The following NRG4 variants were observed in gnomAD, a reference collection of about 807,000 sequenced individuals.
NRG4 encodes neuregulin 4.
NRG4 carries 10 observed loss-of-function variants against 15.0 expected under a neutral mutation model. The ratio of observed to expected loss-of-function variants is 0.67; its 90% CI spans 0.41 to 1.13. The LOEUF (loss-of-function observed/expected upper bound fraction) is 1.13. Ranked by LOEUF, NRG4 falls within the 50% of genes most tolerant of loss-of-function variation. The probability of loss-of-function intolerance (pLI) is 0.00; values close to 1 mark genes in which losing one functional copy is unlikely to be tolerated. For missense variants in NRG4, 139 were observed against 140.2 expected (o/e 0.99, Z 0.04); for synonymous variants, 41 against 50.1 (o/e 0.82, Z 0.77).
At chr15:76,051,754 G>A (rs1161573584) in intron 4 of NRG4, among the ~76,000 whole-genome samples, 2 of 149,390 alleles carry the variant, frequency 1.3e-5, no homozygotes, top group Non-Finnish European at 3.0e-5. Flanking sequence ...TTTATTTTTA[G>A]TAGAGACGGG....
At chr15:76,052,420 G>C (rs2036042715) in intron 3 of NRG4, among the ~76,000 whole-genome samples, 1 of 151,064 alleles carries the variant, frequency 6.6e-6, no homozygotes, top group Admixed American at 6.6e-5. Flanking sequence ...AAAAGGCTAG[G>C]AGTTGGGTTA....
At chr15:75,991,476 T>C (rs910352644) in intron 3 of NRG4, among the ~76,000 whole-genome samples, 2 of 152,212 alleles carry the variant, frequency 1.3e-5, no homozygotes, top group African/African-American at 4.8e-5. Flanking sequence ...ATAAAATTTA[T>C]TGAGACTTTT....
rs2032189356 is a variant in NRG4, at chr15:75,955,639, T to G, written c.331+293A>C. Among the ~76,000 whole-genome samples, 3 of 152,162 alleles carry G rather than the reference T, an allele frequency of 2.0e-5. No individual in the cohort carries two copies. The South Asian group carries it at 6.2e-4, about 32-fold the overall frequency. On this transcript the variant is annotated intron_variant, in intron 5 of 5. Coordinates refer to ENST00000394907, the MANE Select transcript of NRG4 (RefSeq NM_138573.4). ...CCCCATATGCTGGCTCACTTCAAAA[T>G]ATTTCTGAGAAACCAGTCCCTTATA...
chr15:75,994,788 G>A (rs902719235), intron 3 of NRG4, among the ~76,000 whole-genome samples: 138 of 152,288 alleles, frequency 9.1e-4, no homozygotes, highest in African/African-American at 3.2e-3. Context: ...GACACTTAAA[G>A]AAAATAAGCA....
At chr15:76,057,369 T>G (rs187176329) in intron 1 of NRG4, 3 of 152,204 alleles carry the variant, frequency 2.0e-5, no homozygotes, top group Non-Finnish European at 2.9e-5. Context: ...GTGAGTCTTA[T>G]AAGCCAGTTA....
intron 5 of NRG4, among the ~76,000 whole-genome samples, chr15:75,953,132 CTA>C (rs1187714099): frequency 6.6e-6 from 1 of 152,152 alleles, no homozygotes; most frequent in Non-Finnish European, 1.5e-5. Flanking sequence ...ATGTTTTCTA[CTA>C]AGAGTTATAT....
At chr15:75,945,187 G>C (rs974731277) in intron 5 of NRG4, among the ~76,000 whole-genome samples, 11 of 151,626 alleles carry the variant, frequency 7.3e-5, no homozygotes, top group Non-Finnish European at 1.6e-4. Context: ...TTGGCCCCTA[G>C]CATTAACCTT....
chr15:75,974,072 G>A (rs1471974482), intron 3 of NRG4, among the ~76,000 whole-genome samples: 6 of 152,002 alleles, frequency 3.9e-5, no homozygotes, highest in African/African-American at 1.4e-4. Flanking sequence ...TCAGGGATTC[G>A]ACTTCTTCCT....
At chr15:76,036,033 T>C (rs2035589342) in intron 4 of NRG4, 1 of 152,276 alleles carries the variant, frequency 6.6e-6, no homozygotes, top group Admixed American at 6.5e-5. Flanking sequence ...AACTGGTTTA[T>C]GTAACAGTTT....
At chr15:75,989,216 T>C (rs2033916203) in intron 3 of NRG4, among the ~76,000 whole-genome samples, 1 of 152,172 alleles carries the variant, frequency 6.6e-6, no homozygotes, top group Non-Finnish European at 1.5e-5. Context: ...GCAATGTGGA[T>C]GTTTTGGACT....
At chr15:76,000,396 C>T (rs2034369677) in intron 3 of NRG4, among the ~76,000 whole-genome samples, 1 of 152,066 alleles carries the variant, frequency 6.6e-6, no homozygotes, top group African/African-American at 2.4e-5. Flanking sequence ...TAAACAAATA[C>T]ATTATCAAAA....
chr15:76,022,056 G>T (rs1421874653), intron 5 of NRG4, among the ~76,000 whole-genome samples: 1 of 152,166 alleles, frequency 6.6e-6, no homozygotes, highest in Non-Finnish European at 1.5e-5. Flanking sequence ...CCGCTGATTT[G>T]ATAGGAGGCG....
intron 5 of NRG4, among the ~76,000 whole-genome samples, chr15:76,025,425 C>A (rs554442019): frequency 6.6e-6 from 1 of 151,248 alleles, no homozygotes; most frequent in Non-Finnish European, 1.5e-5. Flanking sequence ...GGTGACAGAG[C>A]GAGACTCTGT....
intron 3 of NRG4, among the ~76,000 whole-genome samples, chr15:75,999,562 C>T (rs1372199833): frequency 6.6e-6 from 1 of 152,208 alleles, no homozygotes; most frequent in African/African-American, 2.4e-5. Flanking sequence ...AAGGCCCTCA[C>T]CACACACCAA....
chr15:75,997,452 A>G (rs1191155396), intron 3 of NRG4, among the ~76,000 whole-genome samples: 2 of 152,030 alleles, frequency 1.3e-5, no homozygotes, highest in Non-Finnish European at 1.5e-5. Context: ...ATTAAATTCT[A>G]TGATATATAC....
At chr15:76,053,671 T>C (rs1423813256) in intron 2 of NRG4, among the ~76,000 whole-genome samples, 1 of 150,682 alleles carries the variant, frequency 6.6e-6, no homozygotes, top group African/African-American at 2.5e-5. Context: ...TTCTCCTGTC[T>C]CAGCCTCCCG....
intron 5 of NRG4, among the ~76,000 whole-genome samples, chr15:75,951,695 A>T (rs2031913118): frequency 6.6e-6 from 1 of 152,130 alleles, no homozygotes; most frequent in Admixed American, 6.5e-5. Flanking sequence ...GACATTCAGC[A>T]TAAGAACCTT....
chr15:76,009,786 A>G (rs1268353578), intron 2 of NRG4, among the ~76,000 whole-genome samples: 2 of 152,172 alleles, frequency 1.3e-5, no homozygotes, highest in Non-Finnish European at 1.5e-5. Flanking sequence ...ATGTTCCTAT[A>G]TGACAATCTA....
At chr15:75,990,671 G>GTTTT (rs374504639) in intron 3 of NRG4, among the ~76,000 whole-genome samples, 30 of 130,596 alleles carry the variant, frequency 2.3e-4, no homozygotes, top group African/African-American at 5.3e-4. Flanking sequence ...GTTGGTAATT[G>GTTTT]TTTTTTTTTT....
Sources: allele counts gnomAD v4.1 joint callset (sites outside exome capture counted in the v4.1 genomes callset), GRCh38; gene constraint gnomAD v4.1.1; transcripts MANE v1.5; gene names NCBI Gene and HGNC (gene_info 2026-07-23, HGNC 2026-07-21).